The following PPP1R9A variants were observed in gnomAD, a reference collection of about 807,000 sequenced individuals.
PPP1R9A encodes protein phosphatase 1 regulatory subunit 9A.
In PPP1R9A, 59 loss-of-function variants were observed where a neutral mutation model predicts 141.9. That is an observed-to-expected ratio of 0.42 (90% CI 0.34 to 0.52). The LOEUF (loss-of-function observed/expected upper bound fraction) is 0.52, where lower values mean the gene tolerates loss of function less well. Ranked by LOEUF, PPP1R9A falls within the 20% of genes least tolerant of loss-of-function variation. The probability of loss-of-function intolerance (pLI) is 0.10; values close to 1 mark genes in which losing one functional copy is unlikely to be tolerated. For missense variants in PPP1R9A, 1,444 were observed against 1,611.9 expected (o/e 0.90, Z 1.78); for synonymous variants, 500 against 569.7 (o/e 0.88, Z 1.74).
intron 7 of PPP1R9A, among the ~76,000 whole-genome samples, chr7:95,223,279 G>A (rs1025444422): frequency 2.6e-5 from 4 of 151,978 alleles, no homozygotes; most frequent in Admixed American, 1.3e-4. Flanking sequence ...CAAGAAGAAC[G>A]CTTAACAACG....
intron 2 of PPP1R9A, chr7:95,036,034 C>T (rs1382086245): frequency 6.6e-6 from 1 of 152,180 alleles, no homozygotes; most frequent in African/African-American, 2.4e-5. Context: ...CTGCAGTATA[C>T]TTCGGCTCTC....
chr7:95,056,731 A>C (rs1811549119), intron 2 of PPP1R9A, among the ~76,000 whole-genome samples: 2 of 152,214 alleles, frequency 1.3e-5, no homozygotes, highest in African/African-American at 4.8e-5. Context: ...AATTCAACTC[A>C]TGAAAGTTAT....
chr7:95,034,518 A>T (rs1808169491), intron 2 of PPP1R9A, among the ~76,000 whole-genome samples: 1 of 152,008 alleles, frequency 6.6e-6, no homozygotes, highest in African/African-American at 2.4e-5. Context: ...ACAGCCAGCT[A>T]ATTTTCACAT....
intron 2 of PPP1R9A, among the ~76,000 whole-genome samples, chr7:94,967,771 G>A (rs994472817): frequency 3.3e-5 from 5 of 152,008 alleles, no homozygotes; most frequent in Non-Finnish European, 7.4e-5. Flanking sequence ...TGTGGTCTGG[G>A]AGACTGTTTG....
At chr7:94,912,931 T>C (rs2150605807) in intron 2 of PPP1R9A, among the ~76,000 whole-genome samples, 1 of 152,226 alleles carries the variant, frequency 6.6e-6, no homozygotes, top group South Asian at 2.1e-4. Context: ...CTCTAGATGG[T>C]CTTTAAAGGT....
intron 2 of PPP1R9A, among the ~76,000 whole-genome samples, chr7:94,921,028 C>T (rs1436367374): frequency 6.6e-6 from 1 of 152,112 alleles, no homozygotes; most frequent in African/African-American, 2.4e-5. Flanking sequence ...GTCTAATCTT[C>T]AATATAACAA....
chr7:95,100,872 A>G (rs1255525209), intron 2 of PPP1R9A, among the ~76,000 whole-genome samples: 1 of 64,752 alleles, frequency 1.5e-5, no homozygotes, highest in South Asian at 6.0e-4. Flanking sequence ...TTTTTTTTTG[A>G]GACGGAGTCT....
At chr7:94,909,077 G>C (rs994108858) in intron 1 of PPP1R9A, among the ~76,000 whole-genome samples, 13 of 152,238 alleles carry the variant, frequency 8.5e-5, no homozygotes, top group African/African-American at 3.1e-4. Context: ...AAAGAGACCA[G>C]CAAGCATGCA....
chr7:94,971,313 G>C (rs1398518984), intron 2 of PPP1R9A, among the ~76,000 whole-genome samples: 1 of 152,070 alleles, frequency 6.6e-6, no homozygotes, highest in Non-Finnish European at 1.5e-5. Flanking sequence ...ATGGGCAAAT[G>C]GCATTTTATG....
chr7:94,942,295 C>T (rs1795411011), intron 2 of PPP1R9A, among the ~76,000 whole-genome samples: 1 of 152,116 alleles, frequency 6.6e-6, no homozygotes, highest in Admixed American at 6.5e-5. Context: ...AGGAAACAAC[C>T]ACTTCCTAGA....
chr7:95,087,091 G>A (rs920413693), intron 2 of PPP1R9A, among the ~76,000 whole-genome samples: 1 of 151,816 alleles, frequency 6.6e-6, no homozygotes, highest in African/African-American at 2.4e-5. Flanking sequence ...AAAGCATAAG[G>A]CTGACCCATT....
intron 2 of PPP1R9A, among the ~76,000 whole-genome samples, chr7:95,003,884 A>C (rs1390125478): frequency 6.6e-6 from 1 of 152,200 alleles, no homozygotes; most frequent in African/African-American, 2.4e-5. Flanking sequence ...AGTAAAGAGG[A>C]AGAAAAGGAG....
intron 4 of PPP1R9A, among the ~76,000 whole-genome samples, chr7:95,139,063 T>G (rs1043335714): frequency 6.6e-6 from 1 of 152,204 alleles, no homozygotes; most frequent in Non-Finnish European, 1.5e-5. Context: ...ACAACTTTAT[T>G]CATAATAGAC....
intron 9 of PPP1R9A, 27 bp from the exon 10 acceptor site, chr7:95,249,999 C>T: frequency 6.5e-7 from 1 of 1,539,034 alleles, no homozygotes; most frequent in Non-Finnish European, 8.7e-7. Context: ...GCCAAATTAT[C>T]TTTGCCTTGA....
At chr7:95,255,150 C>T (rs886645807) in intron 12 of PPP1R9A, among the ~76,000 whole-genome samples, 4 of 152,044 alleles carry the variant, frequency 2.6e-5, no homozygotes, top group African/African-American at 9.7e-5. Flanking sequence ...ATGTTTCATG[C>T]TTGTCATTTC....
At chr7:95,164,034 G>T (rs2152722340) in intron 5 of PPP1R9A, among the ~76,000 whole-genome samples, 1 of 152,270 alleles carries the variant, frequency 6.6e-6, no homozygotes, top group South Asian at 2.1e-4. Context: ...CACTGCGCCT[G>T]GCCCCATGTG....
intron 14 of PPP1R9A, 77 bp downstream of exon 14, chr7:95,269,584 A>G: frequency 1.6e-6 from 2 of 1,219,522 alleles, no homozygotes; most frequent in Non-Finnish European, 2.2e-6. Flanking sequence ...TCATAATCAT[A>G]AGTCATTTGT....
intron 2 of PPP1R9A, among the ~76,000 whole-genome samples, chr7:94,996,949 T>C (rs1482530801): frequency 6.6e-6 from 1 of 151,966 alleles, no homozygotes. Flanking sequence ...ATTACAGGCA[T>C]GTGCTACCAC....
chr7:94,967,759 A>T (rs150579089), intron 2 of PPP1R9A, among the ~76,000 whole-genome samples: 2,098 of 151,964 alleles, frequency 0.014, 36 homozygotes, highest in African/African-American at 0.048. Context: ...ATTTGATTGC[A>T]CTGTGGTCTG....
Sources: gnomAD v4.1 joint callset for allele counts (sites outside exome capture counted in the v4.1 genomes callset) on GRCh38, gnomAD v4.1.1 for gene constraint, MANE v1.5 for transcripts, NCBI Gene and HGNC (gene_info 2026-07-23, HGNC 2026-07-21) for gene names.